The following MMUT variants were observed in gnomAD, a reference collection of about 807,000 sequenced individuals.
MMUT encodes methylmalonyl-CoA mutase, also known as methylmalonyl-CoA mutase, mitochondrial.
MMUT carries 79 observed loss-of-function variants against 79.9 expected under a neutral mutation model. That is an observed-to-expected ratio of 0.99 (90% confidence interval 0.82 to 1.19). MMUT has a LOEUF of 1.19. Among genes scored for constraint, MMUT ranks in the 50% most tolerant of loss-of-function variants. The probability of loss-of-function intolerance (pLI) is 0.00; values close to 1 mark genes in which losing one functional copy is unlikely to be tolerated. For missense variants in MMUT, 860 were observed against 917.2 expected, an observed-to-expected ratio of 0.94 and a Z score of 0.81; for synonymous variants, 273 against 295.7, an observed-to-expected ratio of 0.92 and a Z score of 0.79.
At chr6:49,442,110 C>A in intron 9 of MMUT, 139 bp from the exon 10 acceptor site, 1 of 984,078 alleles carries the variant, frequency 1.0e-6, no homozygotes, top group Admixed American at 2.4e-5. Flanking sequence ...TTTTTTAATG[C>A]ATTATGAAAG....
rs1141321 is a variant in MMUT at position 49,444,720 on chromosome 6, C to T, written c.1595G>A (p.Arg532His). The T allele has an allele frequency of 0.35, 562,778 of 1,612,252 alleles. 101,142 individuals are homozygous for T. The highest frequency in any genetic ancestry group is 0.37 in the Non-Finnish European group (437,179 of 1,178,666). The change falls in exon 9 of 13, where the codon CGT becomes CAT. Residue 532 changes from arginine (R) to histidine (H), a missense_variant. Coordinates refer to ENST00000274813, the MANE Select transcript of MMUT (RefSeq NM_000255.4). ...KSSRDQALAE[R>H]CLAALTECAA... Reference sequence around the variant, plus strand: ...ACATTCGGTTAGTGCAGCAAGACAACGTTCAGCCAAAGCTTGATCCCTGCT... The same window carrying T: ...ACATTCGGTTAGTGCAGCAAGACAATGTTCAGCCAAAGCTTGATCCCTGCT...
chr6:49,441,815 T>C (rs774404032), intron 10 of MMUT, 25 bp downstream of exon 10: 45 of 1,605,174 alleles, frequency 2.8e-5, no homozygotes, highest in Middle Eastern at 1.7e-4. Flanking sequence ...GATGAAATTC[T>C]GGCCTAAGAA....
rs1369851738 is a variant in MMUT, at chr6:49,451,672, C to T, written c.1126G>A (p.Ala376Thr). 1.2e-6 allele frequency: 2 copies of T among 1,613,914 alleles called. No individual in the cohort carries two copies. The highest frequency in any genetic ancestry group is 1.7e-6 in the Non-Finnish European group (2 of 1,179,872). Residue 376 changes from alanine to threonine, a missense_variant, in exon 6 of 13, where the codon GCA (alanine) becomes ACA (threonine). Physicochemically the swap from Ala to Thr is moderately conservative, Grantham distance 58. Transcript: ENST00000274813. ...GACTGAGTCCCTCCAAATACTGCTG[C>T]CATTGCTTCTATTGCAGTACGGACA... is the stretch of plus-strand genomic sequence containing the variant. ...NIVRTAIEAM[A>T]AVFGGTQSLH... is the part of the protein sequence containing the mutation.
chr6:49,449,916 AG>A (rs1358832203), intron 6 of MMUT, among the ~76,000 whole-genome samples: 1 of 152,136 alleles, frequency 6.6e-6, no homozygotes, highest in Non-Finnish European at 1.5e-5. Flanking sequence ...CAGAAAAAAA[AG>A]GCAAACAGAT....
chr6:49,460,506 C>T (rs1767815039), intron 1 of MMUT, among the ~76,000 whole-genome samples: 1 of 152,168 alleles, frequency 6.6e-6, no homozygotes, highest in East Asian at 1.9e-4. Flanking sequence ...GACTTTTATA[C>T]TAGGTTGCTG....
Position 49,441,957 on chromosome 6 carries a change from T to G in MMUT, c.1691A>C (p.Glu564Ala). ...DASRARCTVG[E>A]ITDALKKVFG... The stretch of plus-strand genomic sequence containing the variant: ...TACCTTTTTCAGGGCATCTGTGATT[T>G]CTCCCACTGTACATCTGAAACATGA... The change falls in exon 10 of 13, where the codon GAA (glutamate) becomes GCA (alanine). Residue 564 changes from glutamate (E) to alanine (A), a missense_variant. By Grantham distance (107) the Glu-to-Ala change is moderately radical. Transcript: ENST00000274813. The G allele has an allele frequency of 1.2e-6, 2 of 1,610,852 alleles. No individual in the cohort carries two copies.
intron 8 of MMUT, among the ~76,000 whole-genome samples, chr6:49,445,460 A>C (rs1767387623): frequency 6.6e-6 from 1 of 152,064 alleles, no homozygotes; most frequent in South Asian, 2.1e-4. Context: ...AGGTACAGAA[A>C]ATTTATAGTC....
intron 1 of MMUT, among the ~76,000 whole-genome samples, chr6:49,461,299 T>C (rs1031263243): frequency 2.0e-5 from 3 of 152,186 alleles, no homozygotes; most frequent in Admixed American, 6.5e-5. Context: ...AGTTATGTTT[T>C]ATGCAGTTTC....
chr6:49,435,535 A>ACC lies in MMUT; in HGVS notation c.2044_2045insGG (p.Val682GlyfsTer24). 6.2e-7 allele frequency: 1 copy of ACC among 1,614,208 alleles called. No individual in the cohort carries two copies. Among genetic ancestry groups the ACC allele is most frequent in the Non-Finnish European group, 8.5e-7 (1 of 1,180,042 alleles). Reference sequence around the variant, plus strand: ...GTTAAGTTCTTTGATGAGTTCAGGAACTAGGGTTTTATGACCAGCAGCGAG... The same window carrying ACC: ...GTTAAGTTCTTTGATGAGTTCAGGAACCCTAGGGTTTTATGACCAGCAGCGAG... On this transcript the variant is annotated frameshift_variant, in exon 12 of 13. Transcript: ENST00000274813. LOFTEE classifies it high-confidence loss of function.
chr6:49,449,130 A>C (rs1767486890), intron 6 of MMUT, among the ~76,000 whole-genome samples: 1 of 152,122 alleles, frequency 6.6e-6, no homozygotes, highest in Non-Finnish European at 1.5e-5. Flanking sequence ...AAGACAACTA[A>C]CAAGTATATT....
Position 49,431,526 on chromosome 6 carries a change from A to ATT in MMUT, c.*200_*201dup, listed in dbSNP as rs10713340. The ATT allele has an allele frequency of 2.2e-5, 10 of 459,756 alleles. No individual in the cohort carries two copies. The highest frequency in any genetic ancestry group is 1.4e-4 in the African/African-American group (7 of 49,918). The allele number at this position is 459,756 out of a possible 1,614,324, so 28.5% of individuals were successfully genotyped here. The stretch of plus-strand genomic sequence containing the variant: ...TAGAGAGTATAGAGAGTTTTTAGGG[A>ATT]TTTTTTTTTTATTTTTGAAGTGAAA... On this transcript the variant is annotated 3_prime_UTR_variant, in exon 13 of 13. Transcript: ENST00000274813.
In MMUT at chr6:49,430,727, T is replaced by C. The variant is rs894774466; in HGVS notation, c.*1001A>G. ...TTCATGTAATGGATCATGTTAACAA[T>C]AAAGGACAACTTTCCTTTTTTATTT... On this transcript the variant is annotated 3_prime_UTR_variant, in exon 13 of 13. Coordinates refer to ENST00000274813, the MANE Select transcript of MMUT (RefSeq NM_000255.4). 2 of 152,198 alleles carry C rather than the reference T, an allele frequency of 1.3e-5. No individual in the cohort carries two copies. The highest frequency in any genetic ancestry group is 4.8e-5 in the African/African-American group (2 of 41,456). The allele number at this position is 152,198 out of a possible 1,614,324, so 9.4% of individuals were successfully genotyped here.
chr6:49,434,736 T>C (rs1219113828), intron 12 of MMUT, among the ~76,000 whole-genome samples: 1 of 152,188 alleles, frequency 6.6e-6, no homozygotes, highest in East Asian at 1.9e-4. Flanking sequence ...GATATCATTG[T>C]AGGTAACATC....
chr6:49,457,541 A>G (rs1767719763), intron 3 of MMUT, 150 bp downstream of exon 3: 1 of 649,158 alleles, frequency 1.5e-6, no homozygotes. Context: ...CAGAACATAA[A>G]ATTAGTACAT....
chr6:49,461,421 A>ACCT, intron 1 of MMUT, among the ~76,000 whole-genome samples: 1 of 152,336 alleles, frequency 6.6e-6, no homozygotes, highest in East Asian at 1.9e-4. Flanking sequence ...CGTAATTGTA[A>ACCT]GTGCAACAGG....
At chr6:49,451,956 T>A (rs1012876632) in intron 5 of MMUT, among the ~76,000 whole-genome samples, 2 of 152,198 alleles carry the variant, frequency 1.3e-5, no homozygotes, top group African/African-American at 2.4e-5. Flanking sequence ...TGCTTACTTT[T>A]ATATTGCCTA....
chr6:49,448,669 T>C (rs1030358045), intron 7 of MMUT, 147 bp downstream of exon 7: 91 of 668,398 alleles, frequency 1.4e-4, no homozygotes, highest in Non-Finnish European at 1.6e-4. Context: ...AATACATATA[T>C]AGATAGATAC....
chr6:49,459,227 G>C lies in MMUT; in HGVS notation c.240C>G (p.Asp80Glu). 6.2e-7 allele frequency: 1 copy of C among 1,614,180 alleles called. No individual in the cohort carries two copies. The highest frequency in any genetic ancestry group is 8.5e-7 in the Non-Finnish European group (1 of 1,180,040). Residue 80 changes from aspartate to glutamate, a missense_variant, in exon 2 of 13, where the codon GAC (aspartate) becomes GAG (glutamate). By Grantham distance (45) the Asp-to-Glu change is conservative. Coordinates refer to ENST00000274813, the MANE Select transcript of MMUT (RefSeq NM_000255.4). ...KPLYSKRDTM[D>E]LPEELPGVKP... ...TCACTCCTGGAAGTTCTTCAGGTAA[G>C]TCCATAGTATCTCTCTTGGAATACA...
chr6:49,454,378 G>C (rs1388459079), intron 4 of MMUT, among the ~76,000 whole-genome samples: 1 of 152,180 alleles, frequency 6.6e-6, no homozygotes, highest in Non-Finnish European at 1.5e-5. Context: ...AGCAATGTCG[G>C]GTCACTGCAA....
Sources: allele counts gnomAD v4.1 joint callset (sites outside exome capture counted in the v4.1 genomes callset), GRCh38; gene constraint gnomAD v4.1.1; transcripts MANE v1.5; gene names NCBI Gene and HGNC (gene_info 2026-07-23, HGNC 2026-07-21).